The following GUCA1C variants were observed in gnomAD, a reference collection of about 807,000 sequenced individuals.
GUCA1C encodes guanylyl cyclase-activating protein 3.
Under a neutral mutation model 16.2 loss-of-function variants are expected in GUCA1C, and 15 were observed. The observed-to-expected ratio is 0.93, with a 90% CI of 0.62 to 1.43. The LOEUF (loss-of-function observed/expected upper bound fraction) is 1.43. GUCA1C is among the 40% of genes most tolerant of loss of function. The pLI is 0.00. For missense variants in GUCA1C, 275 were observed against 244.8 expected (o/e 1.12, Z -0.82); for synonymous variants, 78 against 85.4 (o/e 0.91, Z 0.48).
rs1045968840 is a variant in GUCA1C, at chr3:108,916,142, C to T, written c.427G>A (p.Asp143Asn). ...EFINLVFHKI[D>N]INNDGELTLE... ...GCTCCATTACCATCATTGTTTATATCGATCTTATGGAACACCAAGTTGATG... is the reference window on the plus strand; with the variant it reads ...GCTCCATTACCATCATTGTTTATATTGATCTTATGGAACACCAAGTTGATG... The change falls in exon 3 of 4, where the codon GAT becomes AAT. Residue 143 changes from aspartate to asparagine, a missense_variant. Asp to Asn is a conservative substitution (Grantham distance 23). Transcript: ENST00000261047. The T allele has an allele frequency of 9.3e-6, 15 of 1,612,226 alleles. No individual in the cohort carries two copies. Among genetic ancestry groups the T allele is most frequent in the Admixed American group, 8.3e-5 (5 of 59,990 alleles).
At chr3:108,923,338 A>G (rs1281970563) in intron 1 of GUCA1C, among the ~76,000 whole-genome samples, 1 of 151,640 alleles carries the variant, frequency 6.6e-6, no homozygotes, top group African/African-American at 2.4e-5. Context: ...TTGATTTGAG[A>G]CAAGGATCTA....
At chr3:108,952,646 T>TA (rs71629373) in intron 1 of GUCA1C, among the ~76,000 whole-genome samples, 1 of 152,148 alleles carries the variant, frequency 6.6e-6, no homozygotes, top group Non-Finnish European at 1.5e-5. Context: ...GTTTTTTTTT[T>TA]AATTTTACTC....
chr3:108,930,063 T>G (rs1037321561), intron 1 of GUCA1C, among the ~76,000 whole-genome samples: 1 of 152,230 alleles, frequency 6.6e-6, no homozygotes, highest in Non-Finnish European at 1.5e-5. Flanking sequence ...TTTAGAATCA[T>G]ATGCTTCAAA....
chr3:108,915,085 G>A (rs2107277205), intron 3 of GUCA1C, among the ~76,000 whole-genome samples: 1 of 152,322 alleles, frequency 6.6e-6, no homozygotes, highest in South Asian at 2.1e-4. Context: ...CAGTCGTTTG[G>A]CTTTTTTGCA....
intron 1 of GUCA1C, among the ~76,000 whole-genome samples, chr3:108,948,931 T>G (rs1185568923): frequency 6.6e-6 from 1 of 151,956 alleles, no homozygotes; most frequent in Non-Finnish European, 1.5e-5. Context: ...CTCTGCAACT[T>G]CCGCCTCCCA....
chr3:108,913,222 G>A (rs932104025), intron 3 of GUCA1C, among the ~76,000 whole-genome samples: 2 of 108,042 alleles, frequency 1.9e-5, no homozygotes, highest in African/African-American at 6.5e-5. Context: ...TTTTTATTTT[G>A]AGAAATAAAT....
chr3:108,934,234 C>T (rs894091321), intron 1 of GUCA1C, among the ~76,000 whole-genome samples: 3 of 152,138 alleles, frequency 2.0e-5, no homozygotes, highest in Non-Finnish European at 4.4e-5. Context: ...GCATTCAGGG[C>T]TGAAAACCTA....
intron 3 of GUCA1C, among the ~76,000 whole-genome samples, chr3:108,914,534 G>A (rs1025771111): frequency 6.6e-6 from 1 of 152,144 alleles, no homozygotes; most frequent in Non-Finnish European, 1.5e-5. Context: ...AGTGTTCATG[G>A]ATATTATTAA....
intron 1 of GUCA1C, among the ~76,000 whole-genome samples, chr3:108,920,961 A>G (rs1401329905): frequency 2.6e-5 from 4 of 152,148 alleles, no homozygotes; most frequent in Non-Finnish European, 5.9e-5. Flanking sequence ...CCCAAAGTCC[A>G]TAGTTTACAT....
At chr3:108,939,323 G>GTTTTTTTTTTT (rs1491279760) in intron 1 of GUCA1C, among the ~76,000 whole-genome samples, 55 of 33,200 alleles carry the variant, frequency 1.7e-3, no homozygotes, top group Non-Finnish European at 2.8e-3. Context: ...TTGCTTCAAG[G>GTTTTTTTTTTT]CTTTTTTTTT....
rs151181503 is a variant in GUCA1C at position 108,914,379 on chromosome 3, C to T, written c.442+1748G>A. On this transcript the variant is annotated intron_variant, in intron 3 of 3. Transcript: ENST00000261047. ...CCTTCTTGGATAGTAAACAAAAAGT[C>T]CTGAATCATATTCATGTTTTCTCGA... 7.9e-5 allele frequency among the ~76,000 whole-genome samples: 12 copies of T among 152,286 alleles called. No individual in the cohort carries two copies. In the East Asian group the frequency reaches 1.4e-3, roughly 17 times the overall value.
chr3:108,951,309 G>A (rs1467442560), intron 1 of GUCA1C, among the ~76,000 whole-genome samples: 2 of 152,106 alleles, frequency 1.3e-5, no homozygotes, highest in African/African-American at 2.4e-5. Context: ...ACCAAAAAAT[G>A]GGTAATTATG....
At chr3:108,915,532 C>T (rs560779226) in intron 3 of GUCA1C, among the ~76,000 whole-genome samples, 1 of 152,134 alleles carries the variant, frequency 6.6e-6, no homozygotes, top group Admixed American at 6.5e-5. Flanking sequence ...AGAAAGGTAC[C>T]TCCTCTGAGC....
chr3:108,923,566 A>G (rs912923307), intron 1 of GUCA1C, among the ~76,000 whole-genome samples: 12 of 152,140 alleles, frequency 7.9e-5, no homozygotes, highest in African/African-American at 2.7e-4. Flanking sequence ...TTATAGTATA[A>G]TTTGAAGTTG....
chr3:108,947,459 T>A (rs1056220309), intron 1 of GUCA1C, among the ~76,000 whole-genome samples: 1 of 152,188 alleles, frequency 6.6e-6, no homozygotes, highest in African/African-American at 2.4e-5. Flanking sequence ...AAGGGTCAAC[T>A]GTGTATCATA....
chr3:108,920,701 A>T, intron 1 of GUCA1C, 116 bp from the exon 2 acceptor site: 1 of 586,738 alleles, frequency 1.7e-6, no homozygotes, highest in Admixed American at 3.7e-5. Flanking sequence ...AATCCATAAG[A>T]TTTCAGCATA....
rs546872798 is a variant in GUCA1C, at chr3:108,919,308, T to C, written c.354+1128A>G. Among the ~76,000 whole-genome samples the C allele has an allele frequency of 2.0e-5, 3 of 152,268 alleles. No individual in the cohort carries two copies. The South Asian group carries it at 6.2e-4, about 32-fold the overall frequency. On this transcript the variant is annotated intron_variant, in intron 2 of 3. Transcript: ENST00000261047. ...AATGCTTTGGTGGCATCCTAAGATC[T>C]GTATGCTGTATTTACATTTTCATTG...
At chr3:108,937,005 G>A (rs1392869461) in intron 1 of GUCA1C, among the ~76,000 whole-genome samples, 2 of 151,926 alleles carry the variant, frequency 1.3e-5, no homozygotes, top group Non-Finnish European at 2.9e-5. Context: ...TCTGCCACCC[G>A]CCCGTAAGTT....
chr3:108,908,118 C>T lies in GUCA1C; in HGVS notation c.534G>A (p.Val178=). 6.2e-7 allele frequency: 1 copy of T among 1,613,432 alleles called. No homozygotes were observed. The highest frequency in any genetic ancestry group is 8.5e-7 in the Non-Finnish European group (1 of 1,179,384). Residue 178 remains valine (V), a synonymous_variant, in exon 4 of 4, where the codon GTG becomes GTA. Transcript: ENST00000261047. ...GCTTCCCATTACAGATTACTCTCAG[C>T]ACATTGGAGAAGTCGAAGCTCTTGT... ...IVYKSFDFSN[V]LRVICNGKQP...
Sources: allele counts gnomAD v4.1 joint callset (sites outside exome capture counted in the v4.1 genomes callset), GRCh38; gene constraint gnomAD v4.1.1; transcripts MANE v1.5; gene names NCBI Gene and HGNC (gene_info 2026-07-23, HGNC 2026-07-21).